SLC25A13: variants seen among roughly 807,000 people sequenced by gnomAD.
SLC25A13 encodes the protein electrogenic aspartate/glutamate antiporter SLC25A13, mitochondrial.
Under a neutral mutation model 85.5 loss-of-function variants are expected in SLC25A13, and 70 were observed. That is an observed-to-expected ratio of 0.82 (90% confidence interval 0.68 to 1.00). The LOEUF is 1.00. Among genes scored for constraint, SLC25A13 ranks in the 50% least tolerant of loss-of-function variants. The probability of loss-of-function intolerance (pLI) is 0.00; values close to 1 mark genes in which losing one functional copy is unlikely to be tolerated. For missense variants in SLC25A13, 765 were observed against 819.8 expected, an observed-to-expected ratio of 0.93 and a Z score of 0.82; for synonymous variants, 259 against 288.7, an observed-to-expected ratio of 0.90 and a Z score of 1.04.
At chr7:96,162,684 G>A (rs2116545580) in intron 13 of SLC25A13, among the ~76,000 whole-genome samples, 1 of 152,248 alleles carries the variant, frequency 6.6e-6, no homozygotes, top group South Asian at 2.1e-4. Flanking sequence ...AGAACATGAA[G>A]GGAATTCTTG....
intron 1 of SLC25A13, among the ~76,000 whole-genome samples, chr7:96,316,612 G>A (rs1049065388): frequency 6.6e-6 from 1 of 152,202 alleles, no homozygotes; most frequent in South Asian, 2.1e-4. Flanking sequence ...ACAAGCGTGA[G>A]AAATTACTTA....
chr7:96,276,585 T>C (rs77463478), intron 3 of SLC25A13, among the ~76,000 whole-genome samples: 2,056 of 152,218 alleles, frequency 0.014, 43 homozygotes, highest in African/African-American at 0.047. Flanking sequence ...ATCATGCCAC[T>C]GTACTCCAGC....
At chr7:96,170,663 T>C (rs1468399393) in intron 12 of SLC25A13, among the ~76,000 whole-genome samples, 1 of 152,152 alleles carries the variant, frequency 6.6e-6, no homozygotes, top group African/African-American at 2.4e-5. Context: ...AAATGGTATG[T>C]AGTACAAGAA....
chr7:96,140,864 C>A (rs944759850), intron 14 of SLC25A13, among the ~76,000 whole-genome samples: 4 of 151,496 alleles, frequency 2.6e-5, no homozygotes, highest in African/African-American at 9.7e-5. Context: ...TTTTTACATC[C>A]TTTTTTCACA....
Position 96,322,003 on chromosome 7 carries a change from C to T in SLC25A13, c.-47G>A, listed in dbSNP as rs1195166005. The T allele has an allele frequency of 6.5e-7, 1 of 1,533,152 alleles. No individual in the cohort carries two copies. Among genetic ancestry groups the T allele is most frequent in the Non-Finnish European group, 8.8e-7 (1 of 1,140,386 alleles). 95.0% of individuals were successfully genotyped at this position (1,533,152 alleles called of 1,614,324 possible). On this transcript the variant is annotated 5_prime_UTR_variant, in exon 1 of 18. Coordinates refer to ENST00000265631, the MANE Select transcript of SLC25A13 (RefSeq NM_014251.3). Reference sequence around the variant, plus strand: ...ACTGCGGGACCCACTGACTGGCTGGCTGGCGTTTGGGACCCGGGCGGCTCA... The same window carrying T: ...ACTGCGGGACCCACTGACTGGCTGGTTGGCGTTTGGGACCCGGGCGGCTCA...
At chr7:96,122,027 C>G (rs764293766) in intron 15 of SLC25A13, 30 bp from the exon 16 acceptor site, 3 of 1,613,800 alleles carry the variant, frequency 1.9e-6, no homozygotes, top group Non-Finnish European at 2.5e-6. Flanking sequence ...CCATCTCAGT[C>G]TGGTCACATT....
At chr7:96,174,652 C>A (rs1794145803) in intron 11 of SLC25A13, among the ~76,000 whole-genome samples, 1 of 152,166 alleles carries the variant, frequency 6.6e-6, no homozygotes, top group African/African-American at 2.4e-5. Flanking sequence ...GTTGAAAGCA[C>A]TGTGATTTAA....
At chr7:96,162,134 T>A (rs1003570852) in intron 13 of SLC25A13, among the ~76,000 whole-genome samples, 3 of 152,214 alleles carry the variant, frequency 2.0e-5, no homozygotes, top group African/African-American at 7.2e-5. Flanking sequence ...ACTATGAGGC[T>A]ACGTATCCAC....
At chr7:96,288,154 G>C (rs1798961970) in intron 2 of SLC25A13, among the ~76,000 whole-genome samples, 1 of 152,210 alleles carries the variant, frequency 6.6e-6, no homozygotes, top group Admixed American at 6.5e-5. Context: ...ATTGTGGCCA[G>C]AAATGGTGGC....
At chr7:96,139,945 C>CTTTTTTTTTTTTTTTTTTTTTTTTTTTT (rs59749381) in intron 14 of SLC25A13, among the ~76,000 whole-genome samples, 1 of 86,364 alleles carries the variant, frequency 1.2e-5, no homozygotes, top group Non-Finnish European at 2.2e-5. Context: ...GATTTCCATT[C>CTTTTTTTTTTTTTTTTTTTTTTTTTTTT]TTTTTTTTTT....
intron 3 of SLC25A13, among the ~76,000 whole-genome samples, chr7:96,272,305 CAGAG>C (rs975741246): frequency 3.3e-5 from 5 of 152,074 alleles, no homozygotes; most frequent in African/African-American, 1.2e-4. Context: ...AAAATTTTCG[CAGAG>C]AGAGACACAA....
At chr7:96,259,154 A>C (rs1562883927) in intron 3 of SLC25A13, among the ~76,000 whole-genome samples, 1 of 152,230 alleles carries the variant, frequency 6.6e-6, no homozygotes, top group Non-Finnish European at 1.5e-5. Context: ...AGGCATATGC[A>C]AAGACTTCAT....
At chr7:96,319,951 A>C (rs1800276018) in intron 1 of SLC25A13, among the ~76,000 whole-genome samples, 1 of 152,242 alleles carries the variant, frequency 6.6e-6, no homozygotes, top group African/African-American at 2.4e-5. Flanking sequence ...ATTATGTAGA[A>C]GTACAACCAA....
chr7:96,256,299 G>A (rs1037157412), intron 3 of SLC25A13, among the ~76,000 whole-genome samples: 3 of 152,078 alleles, frequency 2.0e-5, no homozygotes, highest in Non-Finnish European at 2.9e-5. Context: ...GTCAAGACCC[G>A]TCGGTGTGCT....
chr7:96,321,121 T>G (rs1427464955), intron 1 of SLC25A13, among the ~76,000 whole-genome samples: 1 of 152,220 alleles, frequency 6.6e-6, no homozygotes, highest in Non-Finnish European at 1.5e-5. Context: ...CCAAAGAGAC[T>G]GAAATGGTGT....
intron 5 of SLC25A13, among the ~76,000 whole-genome samples, chr7:96,194,530 G>A (rs550268532): frequency 3.4e-5 from 5 of 146,272 alleles, no homozygotes; most frequent in Admixed American, 6.9e-5. Context: ...TTTTTTAGAC[G>A]ATATTAAGAA....
At chr7:96,268,238 C>A (rs1289482392) in intron 3 of SLC25A13, among the ~76,000 whole-genome samples, 1 of 152,174 alleles carries the variant, frequency 6.6e-6, no homozygotes, top group East Asian at 1.9e-4. Flanking sequence ...GTAACAACAA[C>A]AAATAGAACG....
At chr7:96,185,036 A>G in intron 9 of SLC25A13, 25 bp from the exon 10 acceptor site, 2 of 1,591,098 alleles carry the variant, frequency 1.3e-6, no homozygotes, top group Admixed American at 1.7e-5. Context: ...CAGGAATCAG[A>G]GAGCAGGAAA....
chr7:96,124,850 G>A (rs1791661411), intron 15 of SLC25A13, among the ~76,000 whole-genome samples: 1 of 151,964 alleles, frequency 6.6e-6, no homozygotes, highest in Non-Finnish European at 1.5e-5. Flanking sequence ...ATATTTAAAC[G>A]TTACATGCAT....
Sources: gnomAD v4.1 joint callset for allele counts (sites outside exome capture counted in the v4.1 genomes callset) on GRCh38, gnomAD v4.1.1 for gene constraint, MANE v1.5 for transcripts, NCBI Gene and HGNC (gene_info 2026-07-23, HGNC 2026-07-21) for gene names.